Variants in HECTD2 observed in about 807,000 individuals in gnomAD.
HECTD2 encodes HECT domain E3 ubiquitin protein ligase 2, also known as probable E3 ubiquitin-protein ligase HECTD2.
In HECTD2, 35 loss-of-function variants were observed where a neutral mutation model predicts 103.2. That is an observed-to-expected ratio of 0.34 (90% CI 0.26 to 0.45). The LOEUF (loss-of-function observed/expected upper bound fraction) is 0.45, where lower values mean the gene tolerates loss of function less well. Ranked by LOEUF, HECTD2 falls within the 20% of genes least tolerant of loss-of-function variation. The probability of loss-of-function intolerance (pLI) is 1.00; values close to 1 mark genes in which losing one functional copy is unlikely to be tolerated. For missense variants in HECTD2, 596 were observed against 937.4 expected (o/e 0.64, Z 4.76); for synonymous variants, 281 against 329.9 (o/e 0.85, Z 1.61).
intron 2 of HECTD2, among the ~76,000 whole-genome samples, chr10:91,432,061 T>G (rs1412272779): frequency 6.6e-6 from 1 of 151,954 alleles, no homozygotes. Context: ...TGAATTCAGG[T>G]GTGGCATGGA....
At chr10:91,486,140 C>A (rs1846258249) in intron 10 of HECTD2, 1 of 152,022 alleles carries the variant, frequency 6.6e-6, no homozygotes, top group African/African-American at 2.4e-5. Flanking sequence ...CTCAAAACCC[C>A]AGATTAGTTT....
chr10:91,428,471 A>G (rs892924674), intron 2 of HECTD2, among the ~76,000 whole-genome samples: 8 of 152,046 alleles, frequency 5.3e-5, no homozygotes, highest in African/African-American at 1.7e-4. Context: ...CTTGGGCAGT[A>G]TGGCCATTTT....
In HECTD2 at chr10:91,493,411, T is replaced by G; in HGVS notation, c.1433-9T>G. 1 of 1,458,362 alleles carries G rather than the reference T, an allele frequency of 6.9e-7. No individual in the cohort carries two copies. The allele number at this position is 1,458,362 out of a possible 1,614,324, so 90.3% of individuals were successfully genotyped here. ...TGTTAATAATAACATTATTCGTGTG[T>G]TTTTTTAGGCATGTTTACATATCAC... On this transcript the variant is annotated splice_polypyrimidine_tract_variant and intron_variant, in intron 13 of 20. Transcript: ENST00000298068.
At chr10:91,462,399 T>A in intron 5 of HECTD2, 1 of 1,199,436 alleles carries the variant, frequency 8.3e-7, no homozygotes. Flanking sequence ...ATCCAATCCT[T>A]TTTTAGAAAG....
chr10:91,417,522 C>G (rs896990723), intron 1 of HECTD2, among the ~76,000 whole-genome samples: 1 of 151,960 alleles, frequency 6.6e-6, no homozygotes, highest in African/African-American at 2.4e-5. Context: ...CCCTCCCCGC[C>G]CCCCCACAAC....
chr10:91,460,358 A>G, intron 2 of HECTD2, 69 bp from the exon 3 acceptor site: 3 of 1,210,152 alleles, frequency 2.5e-6, no homozygotes, highest in Non-Finnish European at 3.5e-6. Context: ...ATGTTGAATT[A>G]ATCTTGTATT....
chr10:91,447,715 AAAAAG>A (rs1387000109), intron 2 of HECTD2, among the ~76,000 whole-genome samples: 4 of 73,512 alleles, frequency 5.4e-5, no homozygotes, highest in Non-Finnish European at 9.8e-5. Flanking sequence ...AAAAAGAAAA[AAAAAG>A]AAAAAAAAAA....
At chr10:91,484,876 A>G (rs897004436) in intron 9 of HECTD2, among the ~76,000 whole-genome samples, 5 of 151,972 alleles carry the variant, frequency 3.3e-5, no homozygotes, top group Admixed American at 1.3e-4. Flanking sequence ...TATTATGGCA[A>G]TTAAGTGCAT....
intron 2 of HECTD2, among the ~76,000 whole-genome samples, chr10:91,425,905 A>T (rs1334517949): frequency 6.6e-6 from 1 of 151,990 alleles, no homozygotes; most frequent in East Asian, 1.9e-4. Flanking sequence ...AGGTAAAAAG[A>T]TAAATGGAAA....
chr10:91,429,778 T>C (rs1212637884), intron 2 of HECTD2, among the ~76,000 whole-genome samples: 3 of 152,190 alleles, frequency 2.0e-5, no homozygotes, highest in Admixed American at 6.5e-5. Flanking sequence ...CTTTTTTCTT[T>C]ATTAGTCTTG....
rs1440813588 is a variant in HECTD2 at position 91,461,256 on chromosome 10, A to T, written c.410A>T (p.Glu137Val). 1 of 1,406,316 alleles carries T rather than the reference A, an allele frequency of 7.1e-7. No homozygotes were observed. The highest frequency in any genetic ancestry group is 9.8e-7 in the Non-Finnish European group (1 of 1,022,204). The allele number at this position is 1,406,316 out of a possible 1,614,324, so 87.1% of individuals were successfully genotyped here. ...CGGTTAATGTGTTTTCATTTTAGGG[A>T]AGATGTAGAAAAAGTTAAGTCATCA... is the stretch of plus-strand genomic sequence containing the variant. ...IQPKTVKDFQ[E>V]DVEKVKSSGD... The change falls in exon 4 of 21, where the codon GAA becomes GTA. Residue 137 changes from glutamate to valine, a missense_variant and splice_region_variant. This residue lies in a region of HECTD2 where 220 missense variants were observed against 233.9 expected (regional missense o/e 0.94). Coordinates refer to ENST00000298068, the MANE Select transcript of HECTD2 (RefSeq NM_182765.6).
chr10:91,497,811 G>A (rs574943957), intron 15 of HECTD2, among the ~76,000 whole-genome samples: 1 of 152,284 alleles, frequency 6.6e-6, no homozygotes, highest in Admixed American at 6.5e-5. Context: ...CAGTAATGTG[G>A]CAGATAGCAG....
At chr10:91,480,722 G>C (rs1846060503) in intron 6 of HECTD2, among the ~76,000 whole-genome samples, 1 of 151,954 alleles carries the variant, frequency 6.6e-6, no homozygotes, top group Non-Finnish European at 1.5e-5. Context: ...AGAAACACAA[G>C]CATATTTTCT....
At chr10:91,496,700 T>A (rs1166948031) in intron 15 of HECTD2, among the ~76,000 whole-genome samples, 2 of 152,124 alleles carry the variant, frequency 1.3e-5, no homozygotes, top group Admixed American at 6.5e-5. Flanking sequence ...TAATAATTTT[T>A]AAATGATGAC....
chr10:91,493,254 A>G (rs1846544577), intron 13 of HECTD2, among the ~76,000 whole-genome samples, 166 bp from the exon 14 acceptor site: 1 of 151,762 alleles, frequency 6.6e-6, no homozygotes, highest in Admixed American at 6.6e-5. Flanking sequence ...TTGCAAATAT[A>G]TAGTCCCATA....
At position 91,425,345 on chromosome 10, in the gene HECTD2, C is replaced by T. The variant is rs755956224; in HGVS notation, c.203C>T (p.Pro68Leu). ...AGCAGTTTTATTTCAGCTGTTAGCC[C>T]GAAGAAAGAAGCTGCTGAAAACAGA... The part of the protein sequence containing the change: ...TFSSFISAVS[P>L]KKEAAENRSS... Residue 68 changes from proline to leucine, a missense_variant, in exon 2 of 21, where the codon CCG becomes CTG. Coordinates refer to ENST00000298068, the MANE Select transcript of HECTD2 (RefSeq NM_182765.6). 1.2e-5 allele frequency: 18 copies of T among 1,557,110 alleles called. No individual in the cohort carries two copies. Among genetic ancestry groups the T allele is most frequent in the East Asian group, 9.3e-5 (4 of 43,060 alleles).
intron 5 of HECTD2, among the ~76,000 whole-genome samples, chr10:91,472,375 TCATTCTGGA>T (rs1564724279): frequency 2.6e-5 from 4 of 152,106 alleles, no homozygotes. Context: ...CTAGGAAATA[TCATTCTGGA>T]CATAGGCCCT....
Position 91,512,410 on chromosome 10 carries a change from T to A in HECTD2, c.*26T>A. The stretch of plus-strand genomic sequence containing the variant: ...CCTAGAAGACTTGAAATATAATCTT[T>A]TATATGTAGCATTCACTTCCCTCTT... On this transcript the variant is annotated 3_prime_UTR_variant, in exon 21 of 21. Transcript: ENST00000298068. The A allele has an allele frequency of 6.2e-7, 1 of 1,601,024 alleles. No homozygotes were observed. The highest frequency in any genetic ancestry group is 1.1e-5 in the South Asian group (1 of 90,118).
At chr10:91,415,477 TTAAA>T (rs1843090126) in intron 1 of HECTD2, among the ~76,000 whole-genome samples, 2 of 152,220 alleles carry the variant, frequency 1.3e-5, no homozygotes, top group Admixed American at 1.3e-4. Flanking sequence ...TTTTATTTAG[TTAAA>T]TAATGCAACC....
Sources: gnomAD v4.1 joint callset for allele counts (sites outside exome capture counted in the v4.1 genomes callset) on GRCh38, gnomAD v4.1.1 for gene constraint, gnomAD v4.1.1 regional missense constraint, MANE v1.5 for transcripts, NCBI Gene and HGNC (gene_info 2026-07-23, HGNC 2026-07-21) for gene names.